Variants in TANK observed in about 807,000 individuals in gnomAD.
TANK encodes the protein TRAF family member-associated NF-kappa-B activator.
Under a neutral mutation model 43.6 loss-of-function variants are expected in TANK, and 15 were observed. The observed-to-expected ratio is 0.34, with a 90% confidence interval of 0.23 to 0.53. The LOEUF (loss-of-function observed/expected upper bound fraction) is 0.53, where lower values mean the gene tolerates loss of function less well. TANK is among the 20% of genes least tolerant of loss of function. The pLI is 0.94. For synonymous variants in TANK, 162 were observed against 178.2 expected (o/e 0.91, Z 0.73); for missense variants, 417 against 498.6 (o/e 0.84, Z 1.56).
At chr2:161,156,194 C>T, upstream of TANK, 11 of 985,346 alleles carry the variant, frequency 1.1e-5, no homozygotes, top group Non-Finnish European at 1.3e-5. Flanking sequence ...TAATGGTTGT[C>T]ACCTATTTGT....
chr2:161,193,178 C>A (rs1685995919), intron 2 of TANK, among the ~76,000 whole-genome samples: 1 of 152,130 alleles, frequency 6.6e-6, no homozygotes, highest in Non-Finnish European at 1.5e-5. Context: ...CTGCTTATTC[C>A]ATTTCTTGGC....
At chr2:161,163,427 T>A (rs1440537445) in intron 1 of TANK, 1 of 152,212 alleles carries the variant, frequency 6.6e-6, no homozygotes, top group Admixed American at 6.5e-5. Context: ...ACAACTTTTT[T>A]TTCATGGACA....
chr2:161,176,721 A>G (rs1012677317), intron 1 of TANK, among the ~76,000 whole-genome samples: 1 of 152,170 alleles, frequency 6.6e-6, no homozygotes, highest in African/African-American at 2.4e-5. Flanking sequence ...TTTGGTCCCA[A>G]AAGATTTAGT....
chr2:161,175,349 A>G (rs976994674), intron 1 of TANK, among the ~76,000 whole-genome samples: 1 of 152,212 alleles, frequency 6.6e-6, no homozygotes, highest in Non-Finnish European at 1.5e-5. Context: ...ACAGCTTTAT[A>G]GCTATAGATA....
Position 161,231,336 on chromosome 2 carries a change from A to G in TANK, c.886A>G (p.Ile296Val), listed in dbSNP as rs1386731836. 1.2e-6 allele frequency: 2 copies of G among 1,614,102 alleles called. No individual in the cohort carries two copies. Among genetic ancestry groups the G allele is most frequent in the Admixed American group, 1.7e-5 (1 of 60,010 alleles). The stretch of plus-strand genomic sequence containing the variant: ...ATTTGAAATTCAGGGAATTGACCCC[A>G]TAGCTTCAGCTATACAAAACCTTAA... Reference protein sequence around the residue: ...TLFEIQGIDPIASAIQNLKTT... With the variant: ...TLFEIQGIDPVASAIQNLKTT... The change falls in exon 7 of 8, where the codon ATA becomes GTA. Residue 296 changes from isoleucine (I) to valine (V), a missense_variant. Ile to Val is a conservative substitution (Grantham distance 29, BLOSUM62 3). Transcript: ENST00000392749.
chr2:161,140,590 C>CT (rs910257507), intron 1 of TANK, among the ~76,000 whole-genome samples: 1 of 151,552 alleles, frequency 6.6e-6, no homozygotes, highest in African/African-American at 2.4e-5. Flanking sequence ...TTCTCAATGC[C>CT]TTTTTTAGAC....
At position 161,160,464 on chromosome 2, in the gene TANK, A is replaced by G. The variant is rs2105244977; in HGVS notation, c.-72A>G. ...CGCCGGCGACCTGAGGGGAGAGGGA[A>G]CGCAGCTGAAAGCGTGAACTGTGTG... On this transcript the variant is annotated 5_prime_UTR_variant, in exon 1 of 8. Transcript: ENST00000392749. 1 of 1,238,514 alleles carries G rather than the reference A, an allele frequency of 8.1e-7. No individual in the cohort carries two copies. The highest frequency in any genetic ancestry group is 1.0e-6 in the Non-Finnish European group (1 of 990,912). 76.7% of individuals were successfully genotyped at this position (1,238,514 alleles called of 1,614,324 possible). A position where few individuals can be genotyped will look rare whatever the true frequency, so the allele number is the denominator to read the frequency against.
In TANK at chr2:161,231,515, C is replaced by G. The variant is rs763856499; in HGVS notation, c.1065C>G (p.Leu355=). The G allele has an allele frequency of 6.2e-6, 10 of 1,612,902 alleles. No homozygotes were observed. The Middle Eastern group carries it at 4.9e-4, about 80-fold the overall frequency. Residue 355 remains leucine (L), a synonymous_variant, in exon 7 of 8, where the codon CTC becomes CTG. Coordinates refer to ENST00000392749, the MANE Select transcript of TANK (RefSeq NM_001199135.3). The part of the protein sequence containing the change: ...LDPSDAPFPS[L]DSPGKAIRGP... ...CATCTGATGCACCTTTTCCCTCACT[C>G]GATTCCCCGGGAAAAGCAATCCGAG...
At chr2:161,214,423 A>T (rs1486307708) in intron 4 of TANK, among the ~76,000 whole-genome samples, 1 of 152,184 alleles carries the variant, frequency 6.6e-6, no homozygotes. Context: ...ACAAAATATT[A>T]AAAATATGTT....
intron 2 of TANK, among the ~76,000 whole-genome samples, chr2:161,199,610 G>A (rs750636985): frequency 2.0e-5 from 3 of 152,186 alleles, no homozygotes; most frequent in Non-Finnish European, 2.9e-5. Flanking sequence ...GGATAAAAGG[G>A]CAATTTTTAA....
intron 2 of TANK, among the ~76,000 whole-genome samples, chr2:161,194,501 T>C (rs757990648): frequency 6.6e-6 from 1 of 152,202 alleles, no homozygotes; most frequent in Admixed American, 6.5e-5. Context: ...AGAGTCTTAT[T>C]GACTTGCCAG....
At chr2:161,213,474 G>A (rs533338320) in intron 4 of TANK, among the ~76,000 whole-genome samples, 1 of 151,792 alleles carries the variant, frequency 6.6e-6, no homozygotes, top group Admixed American at 6.6e-5. Flanking sequence ...ATGATGGTGG[G>A]TGCTTGTAAT....
chr2:161,183,673 G>C (rs1330973839), intron 2 of TANK, among the ~76,000 whole-genome samples: 1 of 151,996 alleles, frequency 6.6e-6, no homozygotes, highest in Non-Finnish European at 1.5e-5. Context: ...TATTTGTTAA[G>C]TACTCAAGAA....
At chr2:161,183,628 A>G (rs1028623461) in intron 2 of TANK, among the ~76,000 whole-genome samples, 4 of 152,130 alleles carry the variant, frequency 2.6e-5, no homozygotes, top group Admixed American at 2.6e-4. Context: ...AGAAGGAAAA[A>G]GGAAAATTTT....
rs1271929677 is a variant in TANK, at chr2:161,161,003, A to G, written c.-50+517A>G. The G allele has an allele frequency of 1.7e-5, 8 of 474,292 alleles. No individual in the cohort carries two copies. In the East Asian group the frequency reaches 2.0e-4, roughly 12 times the overall value. 29.4% of individuals were successfully genotyped at this position (474,292 alleles called of 1,614,324 possible). ...GTGGGGTGTCATCATAGCCTGGTCA[A>G]TGAGAAGTTGGGTAACTTCCCAGAG... On this transcript the variant is annotated intron_variant, in intron 1 of 7. Coordinates refer to ENST00000392749, the MANE Select transcript of TANK (RefSeq NM_001199135.3).
In TANK at chr2:161,160,546, T is replaced by C. The variant is rs891106674; in HGVS notation, c.-50+60T>C. 3 of 1,233,414 alleles carry C rather than the reference T, an allele frequency of 2.4e-6. No homozygotes were observed. The African/African-American group carries it at 4.6e-5, about 19-fold the overall frequency. 76.4% of individuals were successfully genotyped at this position (1,233,414 alleles called of 1,614,324 possible). A position where few individuals can be genotyped will look rare whatever the true frequency, so the allele number is the denominator to read the frequency against. Reference sequence around the variant, plus strand: ...ATCCGTCAAGCACGACGTCGGAGAATTTGTATGCGTGAGCGAGAGGGACGC... The same window carrying C: ...ATCCGTCAAGCACGACGTCGGAGAACTTGTATGCGTGAGCGAGAGGGACGC... On this transcript the variant is annotated intron_variant, in intron 1 of 7. Coordinates refer to ENST00000392749, the MANE Select transcript of TANK (RefSeq NM_001199135.3).
At chr2:161,181,820 C>A (rs1012156337) in intron 2 of TANK, among the ~76,000 whole-genome samples, 1 of 152,090 alleles carries the variant, frequency 6.6e-6, no homozygotes, top group Non-Finnish European at 1.5e-5. Context: ...GGAAAACTTG[C>A]ACCTAAACCT....
At chr2:161,212,178 A>C (rs941584960) in intron 4 of TANK, 4 of 306,884 alleles carry the variant, frequency 1.3e-5, no homozygotes, top group Non-Finnish European at 1.9e-5. Flanking sequence ...CTCCTGCCTC[A>C]GCCTCCCGAA....
chr2:161,143,759 T>TGCA (rs1683820725), intron 1 of TANK, among the ~76,000 whole-genome samples: 3 of 152,198 alleles, frequency 2.0e-5, no homozygotes, highest in African/African-American at 7.2e-5. Flanking sequence ...TCATCACAGA[T>TGCA]ATTGGCCTGA....
Sources: allele counts gnomAD v4.1 joint callset (sites outside exome capture counted in the v4.1 genomes callset), GRCh38; gene constraint gnomAD v4.1.1; transcripts MANE v1.5; gene names NCBI Gene and HGNC (gene_info 2026-07-23, HGNC 2026-07-21).